Variants in FABP12 observed in about 807,000 individuals in gnomAD.
FABP12 encodes the protein fatty acid binding protein 12.
Under a neutral mutation model 13.7 loss-of-function variants are expected in FABP12, and 19 were observed. The observed-to-expected ratio is 1.39, with a 90% CI of 0.97 to 2.04. The LOEUF is 2.04. Among genes scored for constraint, FABP12 ranks in the 30% most tolerant of loss-of-function variants. The pLI, the probability that FABP12 is intolerant of heterozygous loss-of-function variation, is 0.00. For synonymous variants in FABP12, 61 were observed against 57.0 expected, an observed-to-expected ratio of 1.07 and a Z score of -0.32; for missense variants, 182 against 164.2, an observed-to-expected ratio of 1.11 and a Z score of -0.59.
At chr8:81,573,716 T>C (rs1259844285) in intron 1 of FABP12, among the ~76,000 whole-genome samples, 1 of 152,170 alleles carries the variant, frequency 6.6e-6, no homozygotes. Flanking sequence ...TTTGCAGTTA[T>C]TGTAAAAGGG....
At chr8:81,525,532 AGATAGATAGATAGATAGATAGAT>A (rs2129912938) in intron 4 of FABP12, among the ~76,000 whole-genome samples, 1 of 149,562 alleles carries the variant, frequency 6.7e-6, no homozygotes, top group African/African-American at 2.5e-5. Context: ...AAAAAAAAAT[AGATAGATAGATAGATAGATAGAT>A]GATAGATAGA....
At chr8:81,563,600 A>G (rs903909482) in intron 1 of FABP12, among the ~76,000 whole-genome samples, 2 of 152,238 alleles carry the variant, frequency 1.3e-5, no homozygotes, top group African/African-American at 2.4e-5. Context: ...ATCATTAAAA[A>G]GAATCAAGCA....
intron 4 of FABP12, chr8:81,526,535 T>C (rs572833249): frequency 6.6e-6 from 1 of 152,484 alleles, no homozygotes; most frequent in African/African-American, 2.4e-5. Context: ...ATTGTGGAAA[T>C]TGGGAAATAA....
intron 1 of FABP12, among the ~76,000 whole-genome samples, chr8:81,564,346 T>C (rs1213729962): frequency 1.3e-5 from 2 of 152,066 alleles, no homozygotes; most frequent in African/African-American, 4.8e-5. Context: ...GGTATAAAAT[T>C]CACTGGTAAT....
intron 2 of FABP12, among the ~76,000 whole-genome samples, chr8:81,529,927 T>C (rs1809019600): frequency 6.6e-6 from 1 of 152,198 alleles, no homozygotes; most frequent in South Asian, 2.1e-4. Flanking sequence ...TGAACCCCTT[T>C]GAAAATCTGA....
At chr8:81,554,570 C>T (rs1406485622) in intron 1 of FABP12, among the ~76,000 whole-genome samples, 2 of 152,144 alleles carry the variant, frequency 1.3e-5, no homozygotes, top group Non-Finnish European at 2.9e-5. Context: ...CCACATTCTA[C>T]TTGTGTAGGA....
intron 3 of FABP12, 49 bp from the exon 4 acceptor site, chr8:81,527,170 A>C: frequency 1.8e-6 from 2 of 1,124,402 alleles, no homozygotes; most frequent in South Asian, 2.8e-5. Context: ...ATATTTCAAC[A>C]TTAAAATTTT....
At chr8:81,561,454 T>G (rs1353715229) in intron 1 of FABP12, among the ~76,000 whole-genome samples, 1 of 152,200 alleles carries the variant, frequency 6.6e-6, no homozygotes, top group Non-Finnish European at 1.5e-5. Flanking sequence ...CCCATTGTTC[T>G]CCCTGCAGAA....
intron 1 of FABP12, among the ~76,000 whole-genome samples, chr8:81,558,656 C>T (rs1222283685): frequency 6.6e-6 from 1 of 152,054 alleles, no homozygotes; most frequent in Non-Finnish European, 1.5e-5. Flanking sequence ...CTTTGGGAGG[C>T]CGAGGCGGGC....
intron 1 of FABP12, among the ~76,000 whole-genome samples, chr8:81,545,833 A>G (rs529501350): frequency 7.2e-5 from 11 of 152,288 alleles, no homozygotes; most frequent in African/African-American, 2.6e-4. Context: ...CTCCCCACAT[A>G]TTCCTTATCT....
chr8:81,557,975 G>T (rs572961802), intron 1 of FABP12, among the ~76,000 whole-genome samples: 2 of 152,200 alleles, frequency 1.3e-5, no homozygotes, highest in East Asian at 3.9e-4. Context: ...CAGGCCCTAG[G>T]TCAGCATGGG....
At chr8:81,574,762 G>T (rs1320848027) in intron 1 of FABP12, among the ~76,000 whole-genome samples, 2 of 152,076 alleles carry the variant, frequency 1.3e-5, no homozygotes, top group Non-Finnish European at 2.9e-5. Flanking sequence ...AGCCTTGAAT[G>T]ATGTTTTGTA....
chr8:81,555,668 A>C (rs1228960863), intron 1 of FABP12, among the ~76,000 whole-genome samples: 1 of 152,222 alleles, frequency 6.6e-6, no homozygotes, highest in African/African-American at 2.4e-5. Context: ...CTTTGTATCA[A>C]TTCAATTAAG....
chr8:81,528,848 A>G (rs1808980276), intron 3 of FABP12, among the ~76,000 whole-genome samples: 1 of 152,206 alleles, frequency 6.6e-6, no homozygotes, highest in Non-Finnish European at 1.5e-5. Context: ...GTGTTGGAGA[A>G]GACCAGGATG....
At chr8:81,530,732 G>A (rs976506548) in intron 2 of FABP12, among the ~76,000 whole-genome samples, 2 of 152,130 alleles carry the variant, frequency 1.3e-5, no homozygotes, top group Non-Finnish European at 2.9e-5. Context: ...GAGTATCCTG[G>A]ATTATCAGAG....
intron 1 of FABP12, among the ~76,000 whole-genome samples, chr8:81,569,015 A>G (rs918742138): frequency 7.2e-5 from 11 of 152,192 alleles, no homozygotes; most frequent in Non-Finnish European, 1.2e-4. Flanking sequence ...GTACAAAAAT[A>G]TAATTAGATA....
rs186336970 is a variant in FABP12, at chr8:81,563,023, G to T, written c.-184-23280C>A. On this transcript the variant is annotated intron_variant, in intron 1 of 5. Transcript: ENST00000692030. ...GTCAGACCCAGCACAGACCCAGTGG[G>T]GGTGGCCACAGGGGTGCTTGGGCCA... 1.6e-4 allele frequency among the ~76,000 whole-genome samples: 24 copies of T among 152,296 alleles called. 1 individual carries two copies. In the East Asian group the frequency reaches 3.9e-3, roughly 25 times the overall value.
chr8:81,551,026 G>C (rs1043761633), intron 1 of FABP12, among the ~76,000 whole-genome samples: 1 of 151,984 alleles, frequency 6.6e-6, no homozygotes, highest in African/African-American at 2.4e-5. Context: ...TCCCCCATAG[G>C]GCAAAAATAG....
chr8:81,551,140 C>T (rs1004397113), intron 1 of FABP12, among the ~76,000 whole-genome samples: 1 of 152,134 alleles, frequency 6.6e-6, no homozygotes, highest in African/African-American at 2.4e-5. Flanking sequence ...GTCTTATGGG[C>T]TACAGAAATG....
Sources: gnomAD v4.1 joint callset for allele counts (sites outside exome capture counted in the v4.1 genomes callset) on GRCh38, gnomAD v4.1.1 for gene constraint, MANE v1.5 for transcripts, NCBI Gene and HGNC (gene_info 2026-07-23, HGNC 2026-07-21) for gene names.